ATG7: variants seen among roughly 807,000 people sequenced by gnomAD.
ATG7 encodes ubiquitin-like modifier-activating enzyme ATG7.
A neutral mutation model predicts 82.4 loss-of-function variants in ATG7; 70 were observed. That is an observed-to-expected ratio of 0.85 (90% CI 0.70 to 1.04). ATG7 has a LOEUF of 1.04. Among genes scored for constraint, ATG7 ranks in the 50% least tolerant of loss-of-function variants. The pLI is 0.00. For missense variants in ATG7, 792 were observed against 864.3 expected (o/e 0.92, Z 1.05); for synonymous variants, 287 against 313.0 (o/e 0.92, Z 0.88).
intron 20 of ATG7, among the ~76,000 whole-genome samples, chr3:11,491,041 C>G (rs190157688): frequency 6.6e-6 from 1 of 152,342 alleles, no homozygotes; most frequent in Non-Finnish European, 1.5e-5. Flanking sequence ...TGGGGAATTT[C>G]TCCTGAATAA....
At chr3:11,560,256 T>C (rs1208492018), downstream of ATG7, among the ~76,000 whole-genome samples, 2 of 152,200 alleles carry the variant, frequency 1.3e-5, no homozygotes, top group African/African-American at 4.8e-5. Flanking sequence ...GCAGTATGTC[T>C]GGCCCCCCAG....
chr3:11,448,453 T>C (rs2084787752), intron 20 of ATG7, among the ~76,000 whole-genome samples: 1 of 152,208 alleles, frequency 6.6e-6, no homozygotes, highest in African/African-American at 2.4e-5. Flanking sequence ...CCAGGCTCAG[T>C]GACAGCATCT....
At chr3:11,492,096 G>A (rs1043970713) in intron 20 of ATG7, among the ~76,000 whole-genome samples, 2 of 152,184 alleles carry the variant, frequency 1.3e-5, no homozygotes, top group African/African-American at 4.8e-5. Flanking sequence ...TCAGACTGCT[G>A]TGCTAGCAAT....
At chr3:11,566,246 T>G in the ATG7 span, among the ~76,000 whole-genome samples, 1 of 152,152 alleles carries the variant, frequency 6.6e-6, no homozygotes, top group South Asian at 2.1e-4. Flanking sequence ...CACACACGCA[T>G]GTGATAGGCG....
chr3:11,446,113 GC>G (rs1222355142), intron 20 of ATG7, among the ~76,000 whole-genome samples: 1 of 151,198 alleles, frequency 6.6e-6, no homozygotes, highest in Non-Finnish European at 1.5e-5. Flanking sequence ...CACACCTCTG[GC>G]CCTCAGCATC....
At chr3:11,540,907 T>TTG (rs2070757021) in intron 20 of ATG7, among the ~76,000 whole-genome samples, 1 of 35,046 alleles carries the variant, frequency 2.9e-5, no homozygotes, top group African/African-American at 7.8e-5. Flanking sequence ...TAGCTTTTTT[T>TTG]GGGGGGGGGA....
chr3:11,526,531 A>AT, intron 20 of ATG7, among the ~76,000 whole-genome samples: 1 of 152,190 alleles, frequency 6.6e-6, no homozygotes, highest in Non-Finnish European at 1.5e-5. Context: ...ATTCTACTAC[A>AT]TTTTGTCAAA....
At chr3:11,495,678 T>C (rs948002049) in intron 20 of ATG7, among the ~76,000 whole-genome samples, 474 of 37,318 alleles carry the variant, frequency 0.013, 3 homozygotes, top group South Asian at 0.015. Flanking sequence ...TCTTTAAAAC[T>C]CCTGAAGCTG....
chr3:11,288,445 A>G (rs752410847), intron 3 of ATG7, among the ~76,000 whole-genome samples: 4 of 152,206 alleles, frequency 2.6e-5, no homozygotes, highest in Non-Finnish European at 4.4e-5. Context: ...TCTCCCAGCT[A>G]TGATTTCTTG....
At chr3:11,313,874 A>G (rs932501348) in intron 8 of ATG7, among the ~76,000 whole-genome samples, 1 of 152,228 alleles carries the variant, frequency 6.6e-6, no homozygotes, top group African/African-American at 2.4e-5. Context: ...TGCTGGGATT[A>G]CAGGCATGAG....
At chr3:11,392,662 G>A (rs1043404608) in intron 19 of ATG7, among the ~76,000 whole-genome samples, 2 of 152,002 alleles carry the variant, frequency 1.3e-5, no homozygotes, top group African/African-American at 2.4e-5. Context: ...GCCTGGGATG[G>A]CAAATATGTA....
chr3:11,474,804 G>T (rs889238971), intron 20 of ATG7, among the ~76,000 whole-genome samples: 1 of 152,136 alleles, frequency 6.6e-6, no homozygotes, highest in Non-Finnish European at 1.5e-5. Context: ...TCGTCTAGGC[G>T]GAGGGAACAT....
chr3:11,575,660 T>C, the ATG7 span, among the ~76,000 whole-genome samples: 1 of 152,164 alleles, frequency 6.6e-6, no homozygotes. Context: ...AAACTCTAAG[T>C]GATTTTAGTT....
intron 19 of ATG7, among the ~76,000 whole-genome samples, chr3:11,411,977 CTT>C (rs34865634): frequency 6.8e-6 from 1 of 147,704 alleles, no homozygotes. Flanking sequence ...AAAGACTGTC[CTT>C]TTTTTTTTTA....
chr3:11,290,695 T>C, intron 3 of ATG7: 2 of 215,044 alleles, frequency 9.3e-6, no homozygotes, highest in South Asian at 9.6e-5. Flanking sequence ...TTATCTTCTT[T>C]TTTTTTGAGA....
chr3:11,559,372 A>G (rs75243477), downstream of ATG7: 1 of 1,553,140 alleles, frequency 6.4e-7, no homozygotes, highest in Non-Finnish European at 8.7e-7. Flanking sequence ...CGGGCGCGGC[A>G]CAGCCGCTGT....
intron 20 of ATG7, 57 bp from the exon 21 acceptor site, chr3:11,554,754 G>C (rs1204520164): frequency 6.2e-6 from 10 of 1,601,358 alleles, no homozygotes; most frequent in Middle Eastern, 1.7e-4. Flanking sequence ...AAGCATCTGT[G>C]TGCCCCCCAC....
intron 11 of ATG7, among the ~76,000 whole-genome samples, chr3:11,337,471 T>G (rs1002805063): frequency 6.9e-5 from 10 of 144,948 alleles, no homozygotes; most frequent in Non-Finnish European, 1.4e-4. Flanking sequence ...TCTTTCTAGC[T>G]CTCTCTCTCT....
intron 19 of ATG7, among the ~76,000 whole-genome samples, chr3:11,418,974 C>T (rs891358490): frequency 2.0e-5 from 3 of 152,054 alleles, no homozygotes; most frequent in African/African-American, 4.8e-5. Flanking sequence ...CCCTCCCCCC[C>T]GATCCAGTCA....
Sources: allele counts gnomAD v4.1 joint callset (sites outside exome capture counted in the v4.1 genomes callset), GRCh38; gene constraint gnomAD v4.1.1; transcripts MANE v1.5; gene names NCBI Gene and HGNC (gene_info 2026-07-23, HGNC 2026-07-21).